CTNNA3: variants seen among roughly 807,000 people sequenced by gnomAD.
The protein encoded by CTNNA3 is catenin alpha 3, also known as catenin alpha-3.
CTNNA3 carries 76 observed loss-of-function variants against 95.7 expected under a neutral mutation model. That is an observed-to-expected ratio of 0.79 (90% CI 0.66 to 0.96). CTNNA3 has a LOEUF of 0.96. Among genes scored for constraint, CTNNA3 ranks in the 40% least tolerant of loss-of-function variants. CTNNA3 has a pLI of 0.00. For missense variants in CTNNA3, 1,191 were observed against 1,089.8 expected (o/e 1.09, Z -1.31); for synonymous variants, 431 against 374.4 (o/e 1.15, Z -1.74).
Position 67,072,574 on chromosome 10 carries a change from G to T in CTNNA3, c.1047+107743C>A, listed in dbSNP as rs539006305. 2.3e-4 allele frequency among the ~76,000 whole-genome samples: 35 copies of T among 152,256 alleles called. No individual in the cohort carries two copies. In the South Asian group the frequency reaches 7.3e-3, roughly 32 times the overall value. On this transcript the variant is annotated intron_variant, in intron 7 of 17. Coordinates refer to ENST00000433211, the MANE Select transcript of CTNNA3 (RefSeq NM_013266.4). ...GGCTGGACGTCTCAAGCCAACCAAG[G>T]ACTCAGCTGGGTTGGGGCTAGATTG...
At chr10:67,708,985 T>G (rs1217740348) in intron 1 of CTNNA3, among the ~76,000 whole-genome samples, 2 of 151,492 alleles carry the variant, frequency 1.3e-5, no homozygotes, top group Non-Finnish European at 2.9e-5. Flanking sequence ...ATCTTATATA[T>G]ATGTATGTAT....
chr10:67,436,586 T>A (rs1273684768), intron 5 of CTNNA3, among the ~76,000 whole-genome samples: 1 of 152,006 alleles, frequency 6.6e-6, no homozygotes, highest in Non-Finnish European at 1.5e-5. Context: ...GACAAAGGAC[T>A]AATATCCAGA....
chr10:65,947,852 A>G (rs1339553114), intron 17 of CTNNA3, among the ~76,000 whole-genome samples: 1 of 152,248 alleles, frequency 6.6e-6, no homozygotes, highest in Non-Finnish European at 1.5e-5. Flanking sequence ...TGAGAGCCTG[A>G]GGCTAGCATA....
intron 2 of CTNNA3, among the ~76,000 whole-genome samples, chr10:67,632,451 A>G (rs1271668442): frequency 2.6e-5 from 4 of 152,114 alleles, no homozygotes; most frequent in Non-Finnish European, 5.9e-5. Context: ...GAAGGAAAGG[A>G]GCAAGTGAAT....
chr10:66,317,525 T>C (rs1164611427), intron 12 of CTNNA3, among the ~76,000 whole-genome samples: 1 of 151,710 alleles, frequency 6.6e-6, no homozygotes, highest in Non-Finnish European at 1.5e-5. Flanking sequence ...TACAAAAGAT[T>C]AGCTGGACGT....
intron 12 of CTNNA3, among the ~76,000 whole-genome samples, chr10:66,334,457 G>C (rs147600076): frequency 6.6e-6 from 1 of 151,712 alleles, no homozygotes; most frequent in African/African-American, 2.4e-5. Flanking sequence ...GTGTTTGCTT[G>C]TCTGTAAAGT....
intron 7 of CTNNA3, among the ~76,000 whole-genome samples, chr10:66,941,943 T>C (rs1848017635): frequency 6.6e-6 from 1 of 152,162 alleles, no homozygotes; most frequent in South Asian, 2.1e-4. Flanking sequence ...GTGGAAGACT[T>C]ACTTTGATTT....
At chr10:66,525,903 A>G (rs752856940) in intron 10 of CTNNA3, among the ~76,000 whole-genome samples, 11 of 152,108 alleles carry the variant, frequency 7.2e-5, no homozygotes, top group East Asian at 1.9e-4. Flanking sequence ...ATTATACAAC[A>G]TTTGTTCTTT....
At chr10:67,135,673 T>C (rs1038478905) in intron 7 of CTNNA3, among the ~76,000 whole-genome samples, 5 of 151,958 alleles carry the variant, frequency 3.3e-5, no homozygotes, top group African/African-American at 1.2e-4. Context: ...AGATCATGTG[T>C]CAAAAAAACA....
At chr10:67,194,544 G>T (rs1410382915) in intron 6 of CTNNA3, among the ~76,000 whole-genome samples, 1 of 151,040 alleles carries the variant, frequency 6.6e-6, no homozygotes, top group African/African-American at 2.4e-5. Flanking sequence ...AGAAGTCAGT[G>T]GTTGCCAGTA....
chr10:66,836,043 G>A (rs4518982), intron 7 of CTNNA3, among the ~76,000 whole-genome samples: 98,814 of 152,034 alleles, frequency 0.65, 32,410 homozygotes, highest in African/African-American at 0.71. Flanking sequence ...GTGTGCTGGT[G>A]AATGTTTAAT....
At chr10:66,361,111 C>T (rs996963776) in intron 12 of CTNNA3, among the ~76,000 whole-genome samples, 1 of 149,440 alleles carries the variant, frequency 6.7e-6, no homozygotes, top group Non-Finnish European at 1.5e-5. Context: ...CATGCACCTT[C>T]ATACCCAGCT....
rs577043799 is a variant in CTNNA3, at chr10:66,522,769, G to A, written c.1375-1996C>T. Among the ~76,000 whole-genome samples the A allele has an allele frequency of 6.6e-5, 10 of 150,962 alleles. No homozygotes were observed. In the East Asian group the frequency reaches 1.2e-3, roughly 18 times the overall value. ...ACCCGTCAAACTAGATCCTGTCCAC[G>A]CACGTTATCACAAGTTAGCACAAGT... On this transcript the variant is annotated intron_variant, in intron 10 of 17. Coordinates refer to ENST00000433211, the MANE Select transcript of CTNNA3 (RefSeq NM_013266.4).
At chr10:66,175,347 G>C (rs1368879520) in intron 13 of CTNNA3, among the ~76,000 whole-genome samples, 1 of 152,158 alleles carries the variant, frequency 6.6e-6, no homozygotes, top group Non-Finnish European at 1.5e-5. Context: ...ACTATGAATA[G>C]AATAGGTATA....
intron 5 of CTNNA3, among the ~76,000 whole-genome samples, chr10:67,476,905 G>C (rs1375885743): frequency 6.6e-6 from 1 of 151,636 alleles, no homozygotes; most frequent in Non-Finnish European, 1.5e-5. Context: ...CAGATCTCCA[G>C]GCATTCAGAG....
At chr10:65,934,097 T>A (rs1316282528) in intron 17 of CTNNA3, among the ~76,000 whole-genome samples, 1 of 152,208 alleles carries the variant, frequency 6.6e-6, no homozygotes, top group Non-Finnish European at 1.5e-5. Flanking sequence ...AATCTAGGTT[T>A]AATGACATTA....
At chr10:66,975,067 T>G (rs1306029403) in intron 7 of CTNNA3, among the ~76,000 whole-genome samples, 1 of 152,138 alleles carries the variant, frequency 6.6e-6, no homozygotes, top group Non-Finnish European at 1.5e-5. Context: ...CCATTAAGAC[T>G]CGCCATTTTG....
chr10:67,276,004 A>G (rs1839171195), intron 5 of CTNNA3, among the ~76,000 whole-genome samples: 1 of 152,160 alleles, frequency 6.6e-6, no homozygotes, highest in Admixed American at 6.6e-5. Flanking sequence ...ATTTAGAATG[A>G]TCATATAAAA....
intron 15 of CTNNA3, among the ~76,000 whole-genome samples, chr10:66,065,054 A>C (rs923186161): frequency 1.3e-5 from 2 of 152,168 alleles, no homozygotes; most frequent in Non-Finnish European, 2.9e-5. Context: ...TATTTAAACC[A>C]AAAAGTGATA....
Sources: gnomAD v4.1 joint callset for allele counts (sites outside exome capture counted in the v4.1 genomes callset) on GRCh38, gnomAD v4.1.1 for gene constraint, MANE v1.5 for transcripts, NCBI Gene and HGNC (gene_info 2026-07-23, HGNC 2026-07-21) for gene names.